The following PTPRK variants were observed in gnomAD, a reference collection of about 807,000 sequenced individuals.
PTPRK encodes receptor-type tyrosine-protein phosphatase kappa.
A neutral mutation model predicts 178.0 loss-of-function variants in PTPRK; 75 were observed. The observed-to-expected ratio is 0.42, with a 90% CI of 0.35 to 0.51. The LOEUF (loss-of-function observed/expected upper bound fraction) is 0.51, where lower values mean the gene tolerates loss of function less well. PTPRK is among the 20% of genes least tolerant of loss of function. The pLI, the probability that PTPRK is intolerant of heterozygous loss-of-function variation, is 0.02. For synonymous variants in PTPRK, 637 were observed against 620.6 expected (o/e 1.03, Z -0.39); for missense variants, 1,441 against 1,797.8 (o/e 0.80, Z 3.59).
At chr6:128,314,533 C>G (rs1827736805) in intron 3 of PTPRK, among the ~76,000 whole-genome samples, 1 of 152,192 alleles carries the variant, frequency 6.6e-6, no homozygotes, top group South Asian at 2.1e-4. Flanking sequence ...GTGAGTGATT[C>G]CCAAATCTTT....
intron 13 of PTPRK, among the ~76,000 whole-genome samples, chr6:128,038,598 C>T (rs2114826015): frequency 6.6e-6 from 1 of 152,270 alleles, no homozygotes; most frequent in East Asian, 1.9e-4. Context: ...TATCTTAAAT[C>T]AAGATGATTT....
At chr6:128,312,638 C>T (rs1286257782) in intron 3 of PTPRK, among the ~76,000 whole-genome samples, 2 of 152,006 alleles carry the variant, frequency 1.3e-5, no homozygotes, top group Non-Finnish European at 2.9e-5. Flanking sequence ...ATAGAGTTAA[C>T]GATAATAGTA....
At chr6:128,343,193 T>C (rs965414701) in intron 2 of PTPRK, among the ~76,000 whole-genome samples, 2 of 152,026 alleles carry the variant, frequency 1.3e-5, no homozygotes, top group Non-Finnish European at 2.9e-5. Context: ...ATGATATATA[T>C]ATGTCTATAT....
intron 6 of PTPRK, among the ~76,000 whole-genome samples, chr6:128,194,253 T>G (rs1416572065): frequency 6.6e-6 from 1 of 151,738 alleles, no homozygotes; most frequent in Admixed American, 6.6e-5. Context: ...GCCAGGCTAA[T>G]TTTTCTGTAT....
intron 3 of PTPRK, among the ~76,000 whole-genome samples, chr6:128,305,950 A>G (rs553612790): frequency 6.6e-6 from 1 of 152,364 alleles, no homozygotes; most frequent in South Asian, 2.1e-4. Context: ...ATTTACAATC[A>G]TGGCAGAAGG....
intron 13 of PTPRK, among the ~76,000 whole-genome samples, chr6:128,050,786 C>T: frequency 6.6e-6 from 1 of 152,174 alleles, no homozygotes; most frequent in East Asian, 1.9e-4. Context: ...AGCAATCCTC[C>T]TTCCTCTGCC....
chr6:128,026,880 C>T (rs1419837081), intron 13 of PTPRK, among the ~76,000 whole-genome samples: 1 of 152,130 alleles, frequency 6.6e-6, no homozygotes, highest in Non-Finnish European at 1.5e-5. Flanking sequence ...ATTACTAAAT[C>T]CATTTGCTGT....
At chr6:128,226,840 C>T (rs775080536) in intron 5 of PTPRK, among the ~76,000 whole-genome samples, 6 of 140,690 alleles carry the variant, frequency 4.3e-5, no homozygotes, top group Non-Finnish European at 9.2e-5. Context: ...TTCTGCTTTA[C>T]TTTCTTGAGG....
intron 3 of PTPRK, among the ~76,000 whole-genome samples, chr6:128,297,883 A>G (rs191874892): frequency 1.3e-5 from 2 of 152,350 alleles, no homozygotes; most frequent in African/African-American, 4.8e-5. Context: ...ATCAGAGCAG[A>G]ACTGAAGGAA....
intron 1 of PTPRK, among the ~76,000 whole-genome samples, chr6:128,403,192 C>T (rs996623176): frequency 3.9e-5 from 6 of 152,170 alleles, no homozygotes; most frequent in African/African-American, 1.4e-4. Flanking sequence ...AGTAAGACTT[C>T]TATTCAAACT....
chr6:128,430,719 T>C (rs1372720007), intron 1 of PTPRK, among the ~76,000 whole-genome samples: 2 of 152,202 alleles, frequency 1.3e-5, no homozygotes, highest in East Asian at 1.9e-4. Flanking sequence ...GAATTGGTCA[T>C]AGCAAAAAAC....
rs373554167 is a variant in PTPRK, at chr6:128,137,677, T to C, written c.1162+46755A>G. ...GTATACCTTTGCAGTAATACATAGT[T>C]ATTTACTGAACCCAAACAGCATCCA... is the stretch of plus-strand genomic sequence containing the variant. On this transcript the variant is annotated intron_variant, in intron 7 of 29. Transcript: ENST00000368226. Among the ~76,000 whole-genome samples the C allele has an allele frequency of 2.0e-4, 31 of 152,200 alleles. No homozygotes were observed. The South Asian group carries it at 6.4e-3, about 32-fold the overall frequency.
At chr6:128,485,100 C>A (rs1852617680) in intron 1 of PTPRK, among the ~76,000 whole-genome samples, 1 of 152,094 alleles carries the variant, frequency 6.6e-6, no homozygotes, top group Admixed American at 6.6e-5. Context: ...TAAATACAAG[C>A]TATATAATTA....
intron 1 of PTPRK, among the ~76,000 whole-genome samples, chr6:128,518,175 G>A (rs1017926623): frequency 6.6e-6 from 1 of 152,176 alleles, no homozygotes; most frequent in African/African-American, 2.4e-5. Context: ...ATGCAATCCT[G>A]TGATTACTGT....
chr6:128,112,275 TAA>T (rs1472114276), intron 7 of PTPRK, among the ~76,000 whole-genome samples: 5 of 152,064 alleles, frequency 3.3e-5, no homozygotes, highest in Admixed American at 6.6e-5. Context: ...AGAAATTTAG[TAA>T]AGAGAATGGA....
intron 3 of PTPRK, among the ~76,000 whole-genome samples, chr6:128,271,933 C>T (rs1422640266): frequency 6.6e-6 from 1 of 150,614 alleles, no homozygotes; most frequent in Non-Finnish European, 1.5e-5. Context: ...TAATAGTACT[C>T]GTTAATATAG....
chr6:128,053,657 C>T (rs1321812770), intron 13 of PTPRK, among the ~76,000 whole-genome samples: 1 of 152,128 alleles, frequency 6.6e-6, no homozygotes, highest in Non-Finnish European at 1.5e-5. Context: ...CTCTGACTTC[C>T]CACATGGGGT....
intron 2 of PTPRK, 96 bp downstream of exon 2, chr6:128,397,468 TTA>T: frequency 4.1e-6 from 6 of 1,457,896 alleles, no homozygotes; most frequent in Non-Finnish European, 5.7e-6. Flanking sequence ...ATTTAGCTTA[TTA>T]TAACCATTAA....
At chr6:128,492,612 A>G (rs1470419908) in intron 1 of PTPRK, among the ~76,000 whole-genome samples, 1 of 152,206 alleles carries the variant, frequency 6.6e-6, no homozygotes, top group Non-Finnish European at 1.5e-5. Context: ...GAAGTATTTA[A>G]TAAGTAAATA....
Sources: gnomAD v4.1 joint callset for allele counts (sites outside exome capture counted in the v4.1 genomes callset) on GRCh38, gnomAD v4.1.1 for gene constraint, MANE v1.5 for transcripts, NCBI Gene and HGNC (gene_info 2026-07-23, HGNC 2026-07-21) for gene names.